The following SCAP variants were observed in gnomAD, a reference collection of about 807,000 sequenced individuals.
SCAP encodes the protein SREBF chaperone.
SCAP carries 65 observed loss-of-function variants against 123.6 expected under a neutral mutation model. The ratio of observed to expected loss-of-function variants is 0.53; its 90% CI spans 0.43 to 0.65. The LOEUF is 0.65. SCAP is among the 30% of genes least tolerant of loss of function. The pLI, the probability that SCAP is intolerant of heterozygous loss-of-function variation, is 0.00. For missense variants in SCAP, 1,398 were observed against 1,712.5 expected (o/e 0.82, Z 3.24); for synonymous variants, 740 against 726.3 (o/e 1.02, Z -0.30).
rs148724099 is a variant in SCAP at position 47,449,199 on chromosome 3, G to A, written c.-98-6108C>T. 2.6e-3 allele frequency among the ~76,000 whole-genome samples: 155 copies of A among 59,670 alleles called. 33 individuals are homozygous for A. Among genetic ancestry groups the A allele is most frequent in the African/African-American group, 6.8e-3 (144 of 21,324 alleles). The allele number at this position is 59,670 out of a possible 152,430, so 39.1% of individuals were successfully genotyped here. A position where few individuals can be genotyped will look rare whatever the true frequency, so the allele number is the denominator to read the frequency against. On this transcript the variant is annotated intron_variant, in intron 1 of 22. Transcript: ENST00000265565. ...GTATGCTGTTTAGGGTCAGATGCAC[G>A]TATGTTAGTTCTGAGGAACAGCCCA...
In SCAP at chr3:47,420,869, G is replaced by A; in HGVS notation, c.1344+62C>T. The stretch of plus-strand genomic sequence containing the variant: ...CCGAGGTCTACACCCTTCTCACCCA[G>A]GACTCCCTCAGTACAGCCAGGGCTG... On this transcript the variant is annotated intron_variant, in intron 11 of 22. Transcript: ENST00000265565. The surrounding 1 kb of genome is among the most constrained non-coding windows in gnomAD (Gnocchi z 5.0). 2 of 1,587,582 alleles carry A rather than the reference G, an allele frequency of 1.3e-6. No individual in the cohort carries two copies. The highest frequency in any genetic ancestry group is 1.3e-5 in the African/African-American group (1 of 74,406).
In SCAP at chr3:47,414,039, G is replaced by C; in HGVS notation, c.3655C>G (p.Gln1219Glu). 6.2e-7 allele frequency: 1 copy of C among 1,613,302 alleles called. No individual in the cohort carries two copies. The highest frequency in any genetic ancestry group is 8.5e-7 in the Non-Finnish European group (1 of 1,180,026). ...AGGTCCCAAAAGGAGACACAGCCCTGGCCGCCAGTCACCAGCAGGTTGTCT... is the reference window on the plus strand; with the variant it reads ...AGGTCCCAAAAGGAGACACAGCCCTCGCCGCCAGTCACCAGCAGGTTGTCT... The part of the protein sequence containing the change: ...ISDNLLVTGG[Q>E]GCVSFWDLNY... Residue 1219 changes from glutamine to glutamate, a missense_variant, in exon 23 of 23, where the codon CAG becomes GAG. Transcript: ENST00000265565.
chr3:47,464,941 C>CA, intron 1 of SCAP, among the ~76,000 whole-genome samples: 1 of 152,104 alleles, frequency 6.6e-6, no homozygotes, highest in East Asian at 1.9e-4. Context: ...AATGAACATG[C>CA]AAAAATCAGT....
At chr3:47,470,215 T>C (rs772407314) in intron 1 of SCAP, among the ~76,000 whole-genome samples, 1 of 152,232 alleles carries the variant, frequency 6.6e-6, no homozygotes, top group Non-Finnish European at 1.5e-5. Flanking sequence ...TTATTGCTGA[T>C]GCTGGCAAAC....
At position 47,424,065 on chromosome 3, in the gene SCAP, A is replaced by C; in HGVS notation, c.1038-20T>G. The C allele has an allele frequency of 1.9e-6, 3 of 1,576,862 alleles. No homozygotes were observed. The highest frequency in any genetic ancestry group is 2.6e-6 in the Non-Finnish European group (3 of 1,146,380). On this transcript the variant is annotated intron_variant, in intron 8 of 22. Transcript: ENST00000265565. ...ATCTCGCTGGGGACAGAGAAGGAGA[A>C]GGTGAGGACAGTGTTGTGGTGGTTC... is the stretch of plus-strand genomic sequence containing the variant.
rs148831145 is a variant in SCAP, at chr3:47,413,770, C to T, written c.*84G>A. On this transcript the variant is annotated 3_prime_UTR_variant, in exon 23 of 23. Transcript: ENST00000265565. ...CAGGAGGCAGCGGCTGGAAGATACT[C>T]GGCTCTTTCCCCCAAGTCCAGGTTC... 312 of 1,514,152 alleles carry T rather than the reference C, an allele frequency of 2.1e-4. 1 individual carries two copies. In the African/African-American group the frequency reaches 3.6e-3, roughly 17 times the overall value. The allele number at this position is 1,514,152 out of a possible 1,614,324, so 93.8% of individuals were successfully genotyped here. A position where few individuals can be genotyped will look rare whatever the true frequency, so the allele number is the denominator to read the frequency against.
At position 47,442,983 on chromosome 3, in the gene SCAP, G is replaced by T; in HGVS notation, c.11C>A (p.Thr4Asn). 6.2e-7 allele frequency: 1 copy of T among 1,613,906 alleles called. No individual in the cohort carries two copies. The highest frequency in any genetic ancestry group is 1.7e-4 in the Middle Eastern group (1 of 5,880). The part of the protein sequence containing the change: MTL[T>N]ERLREKISRA... The stretch of plus-strand genomic sequence containing the variant: ...AGATATCTTCTCACGCAGCCTTTCA[G>T]TCAGGGTCATCCTCAGCCGAAGTCA... Residue 4 changes from threonine to asparagine, a missense_variant, in exon 2 of 23, where the codon ACT (threonine) becomes AAT (asparagine). Thr to Asn is a moderately conservative substitution (Grantham distance 65). This residue lies in a region of SCAP where 319 missense variants were observed against 432.4 expected (regional missense o/e 0.74). Transcript: ENST00000265565.
At chr3:47,429,450 C>T (rs2107835197) in intron 3 of SCAP, among the ~76,000 whole-genome samples, 1 of 152,332 alleles carries the variant, frequency 6.6e-6, no homozygotes, top group South Asian at 2.1e-4. Context: ...GAGATCCTCC[C>T]ACCTCAGCAC....
At chr3:47,425,852 C>A in intron 7 of SCAP, 145 bp downstream of exon 7, 2 of 1,013,426 alleles carry the variant, frequency 2.0e-6, no homozygotes, top group Non-Finnish European at 2.9e-6. Context: ...TAAGACCCTG[C>A]TGGGGGACAA....
At chr3:47,459,435 C>T (rs1047067266) in intron 1 of SCAP, among the ~76,000 whole-genome samples, 1 of 152,170 alleles carries the variant, frequency 6.6e-6, no homozygotes, top group Admixed American at 6.6e-5. Context: ...AACCCACCCC[C>T]AATATTTCAA....
intron 1 of SCAP, among the ~76,000 whole-genome samples, chr3:47,447,598 G>T (rs1342257651): frequency 6.6e-6 from 1 of 151,760 alleles, no homozygotes. Flanking sequence ...GGAGACAGGA[G>T]AATTGCTTAA....
intron 1 of SCAP, among the ~76,000 whole-genome samples, chr3:47,458,215 G>A (rs901614886): frequency 6.6e-5 from 10 of 152,058 alleles, no homozygotes; most frequent in African/African-American, 1.2e-4. Flanking sequence ...GGTGGATCAC[G>A]AGGTCAGGAG....
chr3:47,454,734 ACT>A (rs981462917), intron 1 of SCAP, among the ~76,000 whole-genome samples: 3 of 151,910 alleles, frequency 2.0e-5, no homozygotes, highest in Admixed American at 6.6e-5. Context: ...GATGACAGAG[ACT>A]CTGTCTCAAA....
chr3:47,421,949 T>G (rs562161334), intron 10 of SCAP, among the ~76,000 whole-genome samples: 2 of 152,368 alleles, frequency 1.3e-5, no homozygotes, highest in South Asian at 4.1e-4. Context: ...CTCTGGGCAA[T>G]GGGTGGTGGC....
intron 1 of SCAP, among the ~76,000 whole-genome samples, chr3:47,472,121 T>C (rs1576323069): frequency 6.7e-6 from 1 of 149,878 alleles, no homozygotes; most frequent in South Asian, 2.1e-4. Context: ...TGAGACTCCA[T>C]CTCAAAAAAA....
At chr3:47,425,451 C>T (rs1706083085) in intron 8 of SCAP, 34 bp downstream of exon 8, 7 of 1,604,714 alleles carry the variant, frequency 4.4e-6, no homozygotes, top group Non-Finnish European at 6.0e-6. Context: ...CCTGAGCCCA[C>T]CCTGTGGCCC....
intron 1 of SCAP, among the ~76,000 whole-genome samples, chr3:47,455,490 GA>G (rs1173182563): frequency 6.7e-6 from 1 of 149,430 alleles, no homozygotes; most frequent in East Asian, 2.0e-4. Context: ...AGCTACTCAG[GA>G]AACTGAGGCA....
rs1023996512 is a variant in SCAP at position 47,472,202 on chromosome 3, G to A, written c.-99+3597C>T. ...TAATCCCAGCACTTTGGGAGGCCGAGGCGAGTGGATCATGAGGTCAGGAGA... is the reference window on the plus strand; with the variant it reads ...TAATCCCAGCACTTTGGGAGGCCGAAGCGAGTGGATCATGAGGTCAGGAGA... On this transcript the variant is annotated intron_variant, in intron 1 of 22. Transcript: ENST00000265565. Among the ~76,000 whole-genome samples the A allele has an allele frequency of 2.0e-5, 3 of 152,060 alleles. 1 individual carries two copies. The highest frequency in any genetic ancestry group is 1.9e-4 in the East Asian group (1 of 5,176).
rs779135884 is a variant in SCAP, at chr3:47,420,683, C to G, written c.1434G>C (p.Leu478=). The G allele has an allele frequency of 3.7e-6, 6 of 1,611,496 alleles. No individual in the cohort carries two copies. The Admixed American group carries it at 1.0e-4, about 27-fold the overall frequency. ...TGTGGGGTGTGGACGGCCTCACAGC[C>G]AGCTGCCGCTCGTAGCGCGTTGGCT... ...VGQPTRYERQ[L]AVRPSTPHTI... is the part of the protein sequence containing the mutation. The change falls in exon 12 of 23, where the codon CTG becomes CTC. Residue 478 remains leucine, a synonymous_variant. Coordinates refer to ENST00000265565, the MANE Select transcript of SCAP (RefSeq NM_012235.4). The surrounding 1 kb of genome is among the most constrained non-coding windows in gnomAD (Gnocchi z 5.0).
Sources: allele counts gnomAD v4.1 joint callset (sites outside exome capture counted in the v4.1 genomes callset), GRCh38; gene constraint gnomAD v4.1.1; regional missense constraint gnomAD v4.1.1; non-coding constraint Gnocchi (gnomAD v3.1); transcripts MANE v1.5; gene names NCBI Gene and HGNC (gene_info 2026-07-23, HGNC 2026-07-21).